The following SIPA1L1 variants were observed in gnomAD, a reference collection of about 807,000 sequenced individuals.
SIPA1L1 encodes signal induced proliferation associated 1 like 1.
A neutral mutation model predicts 162.7 loss-of-function variants in SIPA1L1; 26 were observed. The observed-to-expected ratio is 0.16, with a 90% confidence interval of 0.12 to 0.22. The LOEUF is 0.22. Among genes scored for constraint, SIPA1L1 ranks in the 10% least tolerant of loss-of-function variants. The pLI, the probability that SIPA1L1 is intolerant of heterozygous loss-of-function variation, is 1.00. For missense variants in SIPA1L1, 1,874 were observed against 2,241.0 expected (o/e 0.84, Z 3.31); for synonymous variants, 829 against 837.4 (o/e 0.99, Z 0.17).
intron 22 of SIPA1L1, among the ~76,000 whole-genome samples, chr14:71,735,810 C>A (rs1204957467): frequency 6.6e-6 from 1 of 152,122 alleles, no homozygotes; most frequent in Admixed American, 6.5e-5. Context: ...TGTGCTGCTT[C>A]ACGTCTGTGT....
chr14:71,712,194 G>T (rs1566715377), intron 17 of SIPA1L1, among the ~76,000 whole-genome samples: 1 of 152,194 alleles, frequency 6.6e-6, no homozygotes, highest in Non-Finnish European at 1.5e-5. Context: ...CAGTGATTAA[G>T]TTTCACTGCA....
At chr14:71,504,654 C>G (rs2050512079) in intron 2 of SIPA1L1, among the ~76,000 whole-genome samples, 2 of 152,082 alleles carry the variant, frequency 1.3e-5, no homozygotes, top group Admixed American at 1.3e-4. Flanking sequence ...AAAAATGCAG[C>G]CTTCTAAACT....
At chr14:71,477,978 T>C (rs1171566880) in intron 2 of SIPA1L1, among the ~76,000 whole-genome samples, 1 of 152,226 alleles carries the variant, frequency 6.6e-6, no homozygotes, top group Admixed American at 6.5e-5. Context: ...ACACCAGCAA[T>C]GTATAAAAGT....
At chr14:71,431,650 C>T (rs565091885) in intron 2 of SIPA1L1, among the ~76,000 whole-genome samples, 2 of 152,056 alleles carry the variant, frequency 1.3e-5, no homozygotes, top group African/African-American at 4.8e-5. Flanking sequence ...GCTGTGATTG[C>T]ACCACTGTAC....
In SIPA1L1 at chr14:71,541,117, T is replaced by TA. The variant is rs879508572; in HGVS notation, c.-303+11758dup. ...GGGTGACAGAGCGAAACTCCATCTT[T>TA]AAAAAAAAAAAGAAGAAGAACTTAT... On this transcript the variant is annotated intron_variant, in intron 4 of 23. Transcript: ENST00000381232. Among the ~76,000 whole-genome samples the TA allele has an allele frequency of 4.9e-3, 713 of 146,360 alleles. 9 individuals carry two copies. Among genetic ancestry groups the TA allele is most frequent in the African/African-American group, 0.016 (657 of 40,138 alleles).
intron 2 of SIPA1L1, among the ~76,000 whole-genome samples, chr14:71,501,584 C>A (rs1361141731): frequency 6.6e-6 from 1 of 152,154 alleles, no homozygotes; most frequent in Non-Finnish European, 1.5e-5. Context: ...TTACTGAGGA[C>A]TTATGAGGGT....
intron 4 of SIPA1L1, among the ~76,000 whole-genome samples, chr14:71,572,402 T>C (rs2032248957): frequency 6.6e-6 from 1 of 152,226 alleles, no homozygotes; most frequent in Non-Finnish European, 1.5e-5. Context: ...CTAGGCATGC[T>C]AAGACTCAAA....
intron 12 of SIPA1L1, among the ~76,000 whole-genome samples, chr14:71,673,085 G>A (rs1043106963): frequency 1.3e-5 from 2 of 152,174 alleles, no homozygotes; most frequent in African/African-American, 4.8e-5. Context: ...CAGTCTGGCA[G>A]CTGCTTTCCT....
At chr14:71,607,560 C>A (rs1222984572) in intron 5 of SIPA1L1, among the ~76,000 whole-genome samples, 1 of 152,092 alleles carries the variant, frequency 6.6e-6, no homozygotes, top group Non-Finnish European at 1.5e-5. Flanking sequence ...TCCTGGTTAT[C>A]TGATGTGATT....
chr14:71,602,348 C>T (rs2036872545), intron 5 of SIPA1L1, among the ~76,000 whole-genome samples: 1 of 151,962 alleles, frequency 6.6e-6, no homozygotes, highest in Non-Finnish European at 1.5e-5. Context: ...TGTTTAATTT[C>T]TATTTATTTT....
chr14:71,667,348 G>A (rs1489028836), intron 10 of SIPA1L1, among the ~76,000 whole-genome samples: 3 of 152,138 alleles, frequency 2.0e-5, no homozygotes, highest in African/African-American at 7.2e-5. Flanking sequence ...GCTACCAGTA[G>A]CACCCTGTAC....
chr14:71,467,202 C>G (rs2047068433), intron 2 of SIPA1L1: 1 of 152,202 alleles, frequency 6.6e-6, no homozygotes, highest in African/African-American at 2.4e-5. Context: ...TTTACAAATG[C>G]ACCGTTGGAT....
chr14:71,504,602 G>A (rs1229482267), intron 2 of SIPA1L1, among the ~76,000 whole-genome samples: 1 of 152,114 alleles, frequency 6.6e-6, no homozygotes. Flanking sequence ...AAAATGCTCT[G>A]TGAGGAATTG....
intron 4 of SIPA1L1, among the ~76,000 whole-genome samples, chr14:71,557,322 C>T (rs1277106655): frequency 6.6e-6 from 1 of 152,150 alleles, no homozygotes; most frequent in African/African-American, 2.4e-5. Flanking sequence ...ATTAGTTTTG[C>T]TCATGGAAAA....
At chr14:71,383,182 C>T (rs2040043444) in intron 2 of SIPA1L1, among the ~76,000 whole-genome samples, 1 of 152,182 alleles carries the variant, frequency 6.6e-6, no homozygotes, top group Admixed American at 6.5e-5. Context: ...ATCATTTCCT[C>T]ATAACAATAA....
chr14:71,598,150 G>T, intron 5 of SIPA1L1: 1 of 925,666 alleles, frequency 1.1e-6, no homozygotes, highest in South Asian at 5.0e-5. Context: ...TTACAGACAG[G>T]TCTGTGTGTG....
intron 14 of SIPA1L1, 92 bp from the exon 15 acceptor site, chr14:71,702,289 T>C: frequency 7.2e-7 from 1 of 1,383,914 alleles, no homozygotes; most frequent in South Asian, 1.3e-5. Flanking sequence ...GTAGTGCCTG[T>C]CATTAAAATT....
intron 2 of SIPA1L1, among the ~76,000 whole-genome samples, chr14:71,486,821 T>G (rs1168809284): frequency 6.6e-6 from 1 of 152,208 alleles, no homozygotes; most frequent in African/African-American, 2.4e-5. Context: ...AATCTATAAA[T>G]ATTATTCAGG....
At chr14:71,696,534 A>AAGTGATC (rs2081642440) in intron 13 of SIPA1L1, among the ~76,000 whole-genome samples, 1 of 152,236 alleles carries the variant, frequency 6.6e-6, no homozygotes. Flanking sequence ...ATTAGTGACC[A>AAGTGATC]ACTGTTGTTC....
Sources: gnomAD v4.1 joint callset for allele counts (sites outside exome capture counted in the v4.1 genomes callset) on GRCh38, gnomAD v4.1.1 for gene constraint, MANE v1.5 for transcripts, NCBI Gene and HGNC (gene_info 2026-07-23, HGNC 2026-07-21) for gene names.